RIMS2: variants seen among roughly 807,000 people sequenced by gnomAD.
RIMS2 encodes the protein regulating synaptic membrane exocytosis 2.
A neutral mutation model predicts 174.4 loss-of-function variants in RIMS2; 59 were observed. The ratio of observed to expected loss-of-function variants is 0.34; its 90% CI spans 0.27 to 0.42. The LOEUF (loss-of-function observed/expected upper bound fraction) is 0.42, where lower values mean the gene tolerates loss of function less well. Among genes scored for constraint, RIMS2 ranks in the 10% least tolerant of loss-of-function variants. The probability of loss-of-function intolerance (pLI) is 1.00; values close to 1 mark genes in which losing one functional copy is unlikely to be tolerated. For missense variants in RIMS2, 1,620 were observed against 1,666.3 expected, an observed-to-expected ratio of 0.97 and a Z score of 0.48; for synonymous variants, 606 against 572.5, an observed-to-expected ratio of 1.06 and a Z score of -0.84.
Position 103,564,237 on chromosome 8 carries a change from A to T in RIMS2, c.176+63175A>T, listed in dbSNP as rs117838081. On this transcript the variant is annotated intron_variant, in intron 1 of 23. Transcript: ENST00000504942. ...TATGATTACGTGCAAAATTTAACTGATTTAAAACAACTCCATCAGATTCTG... is the reference window on the plus strand; with the variant it reads ...TATGATTACGTGCAAAATTTAACTGTTTTAAAACAACTCCATCAGATTCTG... 4.0e-4 allele frequency among the ~76,000 whole-genome samples: 61 copies of T among 152,328 alleles called. No individual in the cohort carries two copies. The East Asian group carries it at 0.012, about 29-fold the overall frequency.
At chr8:103,588,092 G>A (rs902614563) in intron 1 of RIMS2, among the ~76,000 whole-genome samples, 24 of 151,872 alleles carry the variant, frequency 1.6e-4, no homozygotes, top group Admixed American at 6.6e-4. Flanking sequence ...AAAATCAGTA[G>A]CATTGCTATA....
In RIMS2 at chr8:103,611,874, C is replaced by A. The variant is rs370513915; in HGVS notation, c.177-85212C>A. Among the ~76,000 whole-genome samples, 67 of 152,162 alleles carry A rather than the reference C, an allele frequency of 4.4e-4. No homozygotes were observed. The South Asian group carries it at 0.012, about 27-fold the overall frequency. ...TTTTCAATAAACTTTCTATCTATAT[C>A]TCTTTCTCTACCTCTTCTTTAAGGC... On this transcript the variant is annotated intron_variant, in intron 1 of 23. Coordinates refer to ENST00000504942, the Ensembl canonical transcript of RIMS2.
intron 3 of RIMS2, among the ~76,000 whole-genome samples, chr8:103,774,998 T>C (rs574878905): frequency 6.6e-6 from 1 of 152,336 alleles, no homozygotes; most frequent in Non-Finnish European, 1.5e-5. Context: ...TAAGACATTG[T>C]GAAATTGAGT....
At chr8:103,911,564 C>T (rs1204078559) in intron 5 of RIMS2, among the ~76,000 whole-genome samples, 2 of 152,054 alleles carry the variant, frequency 1.3e-5, no homozygotes, top group South Asian at 2.1e-4. Flanking sequence ...ATCATAGGCT[C>T]AAATGTAATG....
chr8:104,030,679 C>T (rs897592786), intron 19 of RIMS2, among the ~76,000 whole-genome samples: 5 of 152,118 alleles, frequency 3.3e-5, no homozygotes, highest in Non-Finnish European at 7.4e-5. Flanking sequence ...GCCTGGAATA[C>T]CTTCTCTTTA....
intron 19 of RIMS2, among the ~76,000 whole-genome samples, chr8:104,052,337 A>G (rs1210291132): frequency 2.0e-5 from 3 of 152,192 alleles, no homozygotes; most frequent in Admixed American, 6.5e-5. Flanking sequence ...TAATATGCTA[A>G]TAGAAAAAAT....
chr8:103,954,679 C>T (rs1326278634), intron 14 of RIMS2, among the ~76,000 whole-genome samples: 5 of 151,962 alleles, frequency 3.3e-5, no homozygotes, highest in East Asian at 3.9e-4. Context: ...ACCCTAACAT[C>T]GCAATTAAAA....
intron 3 of RIMS2, among the ~76,000 whole-genome samples, chr8:103,783,532 G>A (rs201110636): frequency 6.7e-6 from 1 of 149,430 alleles, no homozygotes. Flanking sequence ...TTGGTTTTTT[G>A]TTCTTGCGAT....
At chr8:103,779,489 G>T (rs10102639) in intron 3 of RIMS2, among the ~76,000 whole-genome samples, 118,729 of 151,828 alleles carry the variant, frequency 0.78, 46,760 homozygotes, top group East Asian at 0.88. Flanking sequence ...CCAGCACAGT[G>T]TATTGAAAAG....
At chr8:103,836,340 AGGAGT>A (rs2098890541) in intron 3 of RIMS2, among the ~76,000 whole-genome samples, 1 of 152,136 alleles carries the variant, frequency 6.6e-6, no homozygotes, top group Admixed American at 6.6e-5. Flanking sequence ...CCTTGAGGCT[AGGAGT>A]TTGAGACCAG....
At chr8:104,032,209 C>T (rs2154556387) in intron 19 of RIMS2, among the ~76,000 whole-genome samples, 1 of 151,836 alleles carries the variant, frequency 6.6e-6, no homozygotes, top group East Asian at 1.9e-4. Flanking sequence ...ATATTTATAC[C>T]ATATATTGGT....
chr8:104,243,450 G>C (rs1248709286), intron 19 of RIMS2, among the ~76,000 whole-genome samples: 1 of 152,108 alleles, frequency 6.6e-6, no homozygotes, highest in Non-Finnish European at 1.5e-5. Context: ...ACTTTGGGAG[G>C]CCAAGGCGGG....
At chr8:103,849,501 G>T (rs1227888988) in intron 3 of RIMS2, among the ~76,000 whole-genome samples, 1 of 152,048 alleles carries the variant, frequency 6.6e-6, no homozygotes, top group Admixed American at 6.6e-5. Context: ...ATGGGGAAGT[G>T]TGTGTTTTGG....
intron 4 of RIMS2, among the ~76,000 whole-genome samples, chr8:103,907,902 T>G (rs185447485): frequency 6.6e-6 from 1 of 151,432 alleles, no homozygotes; most frequent in East Asian, 2.0e-4. Context: ...CCCGCCACCA[T>G]GCCCGGCTAA....
chr8:103,594,248 A>AT (rs927196136), intron 1 of RIMS2, among the ~76,000 whole-genome samples: 15 of 151,106 alleles, frequency 9.9e-5, no homozygotes, highest in Admixed American at 2.6e-4. Context: ...TTAGTGCCAC[A>AT]TTTTTTTTCA....
chr8:103,951,980 C>T (rs146705978), intron 14 of RIMS2, among the ~76,000 whole-genome samples: 18 of 152,194 alleles, frequency 1.2e-4, no homozygotes, highest in African/African-American at 3.9e-4. Context: ...GTAAACAAAG[C>T]GGCCAGGAAG....
chr8:103,863,328 G>T (rs1313783936), intron 3 of RIMS2, among the ~76,000 whole-genome samples: 1 of 152,006 alleles, frequency 6.6e-6, no homozygotes, highest in Non-Finnish European at 1.5e-5. Context: ...CCTGATTGTG[G>T]TGTATTAATT....
chr8:103,661,281 A>G (rs1209379458), intron 1 of RIMS2, among the ~76,000 whole-genome samples: 3 of 152,096 alleles, frequency 2.0e-5, no homozygotes, highest in Admixed American at 6.5e-5. Flanking sequence ...TTTACTATTG[A>G]TGTGCGTTTG....
At chr8:103,987,710 A>T (rs2094453937) in intron 16 of RIMS2, among the ~76,000 whole-genome samples, 1 of 152,212 alleles carries the variant, frequency 6.6e-6, no homozygotes, top group African/African-American at 2.4e-5. Flanking sequence ...TAATGACAGG[A>T]TTATCTCCAC....
Sources: allele counts gnomAD v4.1 joint callset (sites outside exome capture counted in the v4.1 genomes callset), GRCh38; gene constraint gnomAD v4.1.1; transcripts MANE v1.5; gene names NCBI Gene and HGNC (gene_info 2026-07-23, HGNC 2026-07-21).